Variants in WWP1 observed in about 807,000 individuals in gnomAD.
WWP1 encodes the protein NEDD4-like E3 ubiquitin-protein ligase WWP1.
A neutral mutation model predicts 130.6 loss-of-function variants in WWP1; 49 were observed. That is an observed-to-expected ratio of 0.38 (90% confidence interval 0.30 to 0.48). The LOEUF is 0.48. Among genes scored for constraint, WWP1 ranks in the 20% least tolerant of loss-of-function variants. The pLI is 0.99. For missense variants in WWP1, 809 were observed against 1,100.6 expected (o/e 0.74, Z 3.75); for synonymous variants, 332 against 367.8 (o/e 0.90, Z 1.11).
At chr8:86,344,542 C>T (rs1822453285) in intron 1 of WWP1, among the ~76,000 whole-genome samples, 1 of 152,184 alleles carries the variant, frequency 6.6e-6, no homozygotes, top group Admixed American at 6.5e-5. Flanking sequence ...GTAGATAGTG[C>T]TATACACAAA....
chr8:86,425,229 A>G lies in WWP1; in HGVS notation c.1068A>G (p.Glu356=), dbSNP rs748874278. ...TTTTGTATTTTTATTAAAGGTGGGA[A>G]CAAAGAAAAGATCCTCATGGTAGAA... ...ANTETLPSGW[E]QRKDPHGRTY... is the part of the protein sequence containing the mutation. The change falls in exon 10 of 25, where the codon GAA becomes GAG. Residue 356 remains glutamate (E), a synonymous_variant. Coordinates refer to ENST00000517970, the MANE Select transcript of WWP1 (RefSeq NM_007013.4). The G allele has an allele frequency of 6.2e-7, 1 of 1,608,600 alleles. No homozygotes were observed. The highest frequency in any genetic ancestry group is 1.1e-5 in the South Asian group (1 of 89,464).
At position 86,435,434 on chromosome 8, in the gene WWP1, AT is replaced by A. The variant is rs1563531270; in HGVS notation, c.1602-13del. 2 of 1,613,220 alleles carry A rather than the reference AT, an allele frequency of 1.2e-6. No individual in the cohort carries two copies. Among genetic ancestry groups the A allele is most frequent in the South Asian group, 1.1e-5 (1 of 90,990 alleles). The stretch of plus-strand genomic sequence containing the variant: ...ACTTTATTATGAGTTAATTTGGTTT[AT>A]TTTTGTTTTTCTTTAGAACTAAAGG... On this transcript the variant is annotated splice_polypyrimidine_tract_variant and intron_variant, in intron 14 of 24. Transcript: ENST00000517970.
At chr8:86,446,340 G>GA (rs992208733) in intron 18 of WWP1, among the ~76,000 whole-genome samples, 6 of 151,004 alleles carry the variant, frequency 4.0e-5, no homozygotes, top group Non-Finnish European at 8.9e-5. Flanking sequence ...TTTTTAATGG[G>GA]TTTTTTTTTC....
In WWP1 at chr8:86,398,556, C is replaced by A; in HGVS notation, c.473-16C>A. The A allele has an allele frequency of 6.2e-7, 1 of 1,610,674 alleles. No individual in the cohort carries two copies. Among genetic ancestry groups the A allele is most frequent in the South Asian group, 1.1e-5 (1 of 90,214 alleles). On this transcript the variant is annotated splice_polypyrimidine_tract_variant and intron_variant, in intron 6 of 24. Coordinates refer to ENST00000517970, the MANE Select transcript of WWP1 (RefSeq NM_007013.4). ...AAGTATATAAAAACCTAGTTTTTTTCTTTCTTGTTGTTCAGTAGAAATACA... is the reference window on the plus strand; with the variant it reads ...AAGTATATAAAAACCTAGTTTTTTTATTTCTTGTTGTTCAGTAGAAATACA...
At chr8:86,360,048 CAAAAACA>C (rs141938005) in intron 1 of WWP1, among the ~76,000 whole-genome samples, 21,930 of 146,114 alleles carry the variant, frequency 0.15, 1,696 homozygotes, top group Non-Finnish European at 0.19. Flanking sequence ...GACTCCCTCT[CAAAAACA>C]AAAAACAAAA....
intron 3 of WWP1, among the ~76,000 whole-genome samples, chr8:86,380,503 G>C (rs1422379206): frequency 6.6e-6 from 1 of 152,168 alleles, no homozygotes; most frequent in African/African-American, 2.4e-5. Flanking sequence ...CAGTTTAAGT[G>C]GGTGAATTAT....
chr8:86,391,979 C>T (rs757383304), intron 5 of WWP1, among the ~76,000 whole-genome samples: 6 of 152,264 alleles, frequency 3.9e-5, no homozygotes, highest in East Asian at 1.9e-4. Context: ...AAAGAGTAGT[C>T]GGGGGCCTAT....
intron 1 of WWP1, among the ~76,000 whole-genome samples, chr8:86,364,037 A>G (rs986988979): frequency 2.0e-5 from 3 of 152,196 alleles, no homozygotes; most frequent in African/African-American, 4.8e-5. Context: ...TGCTCTGATC[A>G]TATTTTCTGG....
chr8:86,366,528 A>G (rs956050384), intron 1 of WWP1, among the ~76,000 whole-genome samples: 25 of 152,188 alleles, frequency 1.6e-4, no homozygotes, highest in African/African-American at 5.8e-4. Context: ...AGTTCCAGTG[A>G]TATGATTTTG....
At chr8:86,442,253 A>C (rs1287918236) in intron 17 of WWP1, 1 of 156,716 alleles carries the variant, frequency 6.4e-6, no homozygotes, top group Non-Finnish European at 1.4e-5. Context: ...AGGTTGTTAC[A>C]ACAGAGTATT....
chr8:86,356,101 G>T (rs981852440), intron 1 of WWP1, among the ~76,000 whole-genome samples: 1 of 152,122 alleles, frequency 6.6e-6, no homozygotes, highest in Non-Finnish European at 1.5e-5. Context: ...CATATAATAG[G>T]AGCCCAGTAA....
chr8:86,377,830 T>G (rs935352386), intron 3 of WWP1, among the ~76,000 whole-genome samples: 3 of 151,518 alleles, frequency 2.0e-5, no homozygotes, highest in Non-Finnish European at 4.4e-5. Context: ...ATGTTTATAA[T>G]TTTTTTTTAG....
chr8:86,387,471 A>G (rs909254807), intron 5 of WWP1, among the ~76,000 whole-genome samples: 2 of 151,678 alleles, frequency 1.3e-5, no homozygotes, highest in East Asian at 3.9e-4. Context: ...TTTTACTGAC[A>G]CATTCATATA....
Position 86,390,128 on chromosome 8 carries a change from C to CA in WWP1, c.335-8213dup, listed in dbSNP as rs1244209036. Among the ~76,000 whole-genome samples, 3 of 151,286 alleles carry CA rather than the reference C, an allele frequency of 2.0e-5. No homozygotes were observed. The East Asian group carries it at 6.0e-4, about 30-fold the overall frequency. On this transcript the variant is annotated intron_variant, in intron 5 of 24. Transcript: ENST00000517970. ...CGGGGCAGAGGCGCTCCCCACATCTCAGACGATGGGCAGCCGGGCAGACAC... is the reference window on the plus strand; with the variant it reads ...CGGGGCAGAGGCGCTCCCCACATCTCAAGACGATGGGCAGCCGGGCAGACAC...
intron 3 of WWP1, among the ~76,000 whole-genome samples, chr8:86,376,349 A>G (rs548776295): frequency 6.6e-6 from 1 of 152,174 alleles, no homozygotes; most frequent in Non-Finnish European, 1.5e-5. Flanking sequence ...CAGGTGGATC[A>G]CGTGAGGCCA....
chr8:86,420,485 T>G (rs1442335455), intron 9 of WWP1, among the ~76,000 whole-genome samples: 1 of 152,126 alleles, frequency 6.6e-6, no homozygotes, highest in Non-Finnish European at 1.5e-5. Flanking sequence ...TATGTGTATA[T>G]TTGGAATGGT....
At chr8:86,416,274 A>G (rs1808882037) in intron 9 of WWP1, among the ~76,000 whole-genome samples, 1 of 152,240 alleles carries the variant, frequency 6.6e-6, no homozygotes. Context: ...CTGTGTGAAG[A>G]CAAAGGGAAG....
chr8:86,438,975 G>A (rs1810446803), intron 17 of WWP1, among the ~76,000 whole-genome samples: 1 of 152,038 alleles, frequency 6.6e-6, no homozygotes, highest in Admixed American at 6.6e-5. Flanking sequence ...TTTATATAGT[G>A]TGGGCATCTT....
chr8:86,392,806 G>A (rs1049140472), intron 5 of WWP1, among the ~76,000 whole-genome samples: 2 of 152,142 alleles, frequency 1.3e-5, no homozygotes, highest in African/African-American at 4.8e-5. Context: ...TGAATAAACA[G>A]TATTTTCACA....
Sources: allele counts gnomAD v4.1 joint callset (sites outside exome capture counted in the v4.1 genomes callset), GRCh38; gene constraint gnomAD v4.1.1; transcripts MANE v1.5; gene names NCBI Gene and HGNC (gene_info 2026-07-23, HGNC 2026-07-21).